The following ERBB4 variants were observed in gnomAD, a reference collection of about 807,000 sequenced individuals.
The protein encoded by ERBB4 is receptor tyrosine-protein kinase erbB-4.
In ERBB4, 42 loss-of-function variants were observed where a neutral mutation model predicts 158.0. That is an observed-to-expected ratio of 0.27 (90% CI 0.21 to 0.34). ERBB4 has a LOEUF of 0.34. Among genes scored for constraint, ERBB4 ranks in the 10% least tolerant of loss-of-function variants. ERBB4 has a pLI of 1.00. For synonymous variants in ERBB4, 583 were observed against 558.7 expected (o/e 1.04, Z -0.61); for missense variants, 1,333 against 1,624.1 (o/e 0.82, Z 3.08).
chr2:212,311,576 T>C (rs945104103), intron 1 of ERBB4, among the ~76,000 whole-genome samples: 10 of 150,998 alleles, frequency 6.6e-5, no homozygotes, highest in Non-Finnish European at 1.2e-4. Context: ...TTTCTTTAAA[T>C]GCCTACTTTC....
At chr2:211,485,318 T>G (rs1333690572) in intron 20 of ERBB4, among the ~76,000 whole-genome samples, 1 of 152,208 alleles carries the variant, frequency 6.6e-6, no homozygotes, top group East Asian at 1.9e-4. Flanking sequence ...TGTAACAGTC[T>G]GCTTTCTGAG....
intron 1 of ERBB4, among the ~76,000 whole-genome samples, chr2:212,319,090 C>T (rs1225435441): frequency 6.6e-6 from 1 of 151,612 alleles, no homozygotes; most frequent in Non-Finnish European, 1.5e-5. Flanking sequence ...CTTACTACCA[C>T]TCCAGGCAGC....
intron 1 of ERBB4, 155 bp from the exon 2 acceptor site, chr2:212,125,058 T>C (rs1278380780): frequency 6.4e-6 from 5 of 787,076 alleles, no homozygotes; most frequent in African/African-American, 1.7e-5. Flanking sequence ...ACCCACGCAC[T>C]GATGAACATT....
At chr2:211,428,574 T>A in intron 21 of ERBB4, 91 bp from the exon 22 acceptor site, 1 of 705,776 alleles carries the variant, frequency 1.4e-6, no homozygotes, top group Non-Finnish European at 2.6e-6. Flanking sequence ...GGGCTGGCCT[T>A]AATCATATTT....
intron 2 of ERBB4, among the ~76,000 whole-genome samples, chr2:211,980,517 G>C (rs944859814): frequency 6.6e-6 from 1 of 152,002 alleles, no homozygotes; most frequent in Admixed American, 6.6e-5. Flanking sequence ...TGTTCTAAAG[G>C]CTGTTTGTTT....
intron 1 of ERBB4, among the ~76,000 whole-genome samples, chr2:212,362,937 G>T (rs536977836): frequency 2.0e-5 from 3 of 151,058 alleles, no homozygotes; most frequent in Non-Finnish European, 4.4e-5. Context: ...GTGCCATGAA[G>T]ATAAAAATAT....
chr2:212,276,248 T>G (rs2085530859), intron 1 of ERBB4, among the ~76,000 whole-genome samples: 1 of 151,794 alleles, frequency 6.6e-6, no homozygotes, highest in South Asian at 2.1e-4. Flanking sequence ...ATTTTTAATT[T>G]AATTAAAGAA....
At chr2:212,204,809 A>G (rs62182597) in intron 1 of ERBB4, among the ~76,000 whole-genome samples, 6,706 of 143,878 alleles carry the variant, frequency 0.047, 247 homozygotes, top group Non-Finnish European at 0.07. Context: ...TATTATTTAT[A>G]TGAAAACTTT....
At chr2:212,315,477 T>G (rs1042724975) in intron 1 of ERBB4, among the ~76,000 whole-genome samples, 1 of 151,512 alleles carries the variant, frequency 6.6e-6, no homozygotes, top group Non-Finnish European at 1.5e-5. Context: ...CTTAAAATTA[T>G]TTTTAAAACA....
In ERBB4 at chr2:211,643,832, T is replaced by G. The variant is rs866141175; in HGVS notation, c.1947-13238A>C. 5.3e-5 allele frequency among the ~76,000 whole-genome samples: 8 copies of G among 152,064 alleles called. No individual in the cohort carries two copies. In the South Asian group the frequency reaches 8.3e-4, roughly 16 times the overall value. ...GCTTGTAGAGCTTCCTCAAGGATGC[T>G]GTCTCTGAATTGTGGAATTATATGT... On this transcript the variant is annotated intron_variant, in intron 16 of 27. Transcript: ENST00000342788.
At chr2:212,340,938 A>G (rs2088679531) in intron 1 of ERBB4, among the ~76,000 whole-genome samples, 1 of 152,154 alleles carries the variant, frequency 6.6e-6, no homozygotes, top group African/African-American at 2.4e-5. Flanking sequence ...ATCACAATTG[A>G]TTTAACTCAC....
chr2:211,632,462 TC>T (rs2070179908), intron 16 of ERBB4, among the ~76,000 whole-genome samples: 2 of 152,112 alleles, frequency 1.3e-5, no homozygotes, highest in African/African-American at 4.8e-5. Context: ...GAGACTAATG[TC>T]CAACATTTCG....
chr2:212,122,748 GTTACC>G (rs748262609), intron 2 of ERBB4, among the ~76,000 whole-genome samples: 7 of 151,622 alleles, frequency 4.6e-5, no homozygotes, highest in East Asian at 1.9e-4. Flanking sequence ...ATTCCATGCT[GTTACC>G]TTACAAGACC....
chr2:212,100,107 T>A lies in ERBB4; in HGVS notation c.234+24645A>T, dbSNP rs184553598. ...TACAGTCATTACTGAATATTAAAACTTTTTTTTGTTGTTTCTTTGTAACTG... is the reference window on the plus strand; with the variant it reads ...TACAGTCATTACTGAATATTAAAACATTTTTTTGTTGTTTCTTTGTAACTG... On this transcript the variant is annotated intron_variant, in intron 2 of 27. Coordinates refer to ENST00000342788, the MANE Select transcript of ERBB4 (RefSeq NM_005235.3). Among the ~76,000 whole-genome samples, 43 of 151,888 alleles carry A rather than the reference T, an allele frequency of 2.8e-4. 1 individual carries two copies. The highest frequency in any genetic ancestry group is 5.8e-4 in the African/African-American group (24 of 41,318).
intron 1 of ERBB4, among the ~76,000 whole-genome samples, chr2:212,148,394 A>G (rs1335479964): frequency 6.6e-6 from 1 of 152,196 alleles, no homozygotes; most frequent in African/African-American, 2.4e-5. Flanking sequence ...GAGGTACAAG[A>G]AAAATAAAAT....
At chr2:211,871,998 C>A (rs1575288639) in intron 3 of ERBB4, among the ~76,000 whole-genome samples, 1 of 152,050 alleles carries the variant, frequency 6.6e-6, no homozygotes, top group Non-Finnish European at 1.5e-5. Flanking sequence ...ATAAAAATCA[C>A]CAGATTAAAT....
intron 2 of ERBB4, among the ~76,000 whole-genome samples, chr2:212,063,282 T>C (rs995364606): frequency 6.6e-6 from 1 of 152,110 alleles, no homozygotes; most frequent in African/African-American, 2.4e-5. Flanking sequence ...TTTTAAGAAA[T>C]TTATATTAGC....
intron 1 of ERBB4, among the ~76,000 whole-genome samples, chr2:212,218,750 A>G (rs2083187683): frequency 6.6e-6 from 1 of 151,400 alleles, no homozygotes. Flanking sequence ...GCACATATCA[A>G]TATCATGGGA....
At chr2:212,377,319 T>A (rs2090358729) in intron 1 of ERBB4, among the ~76,000 whole-genome samples, 1 of 150,966 alleles carries the variant, frequency 6.6e-6, no homozygotes, top group Non-Finnish European at 1.5e-5. Flanking sequence ...ACAGCTCTTC[T>A]ATAGAGATAT....
Sources: allele counts gnomAD v4.1 joint callset (sites outside exome capture counted in the v4.1 genomes callset), GRCh38; gene constraint gnomAD v4.1.1; transcripts MANE v1.5; gene names NCBI Gene and HGNC (gene_info 2026-07-23, HGNC 2026-07-21).